The following HERC4 variants were observed in gnomAD, a reference collection of about 807,000 sequenced individuals.
The protein encoded by HERC4 is HECT and RLD domain containing E3 ubiquitin protein ligase 4, also known as probable E3 ubiquitin-protein ligase HERC4.
In HERC4, 28 loss-of-function variants were observed where a neutral mutation model predicts 124.3. That is an observed-to-expected ratio of 0.23 (90% CI 0.17 to 0.31). The LOEUF (loss-of-function observed/expected upper bound fraction) is 0.31, where lower values mean the gene tolerates loss of function less well. HERC4 is among the 10% of genes least tolerant of loss of function. The probability of loss-of-function intolerance (pLI) is 1.00; values close to 1 mark genes in which losing one functional copy is unlikely to be tolerated. For missense variants in HERC4, 713 were observed against 1,229.3 expected, an observed-to-expected ratio of 0.58 and a Z score of 6.28; for synonymous variants, 407 against 421.5, an observed-to-expected ratio of 0.97 and a Z score of 0.42.
At chr10:67,944,482 A>T (rs2033168153) in intron 19 of HERC4, among the ~76,000 whole-genome samples, 1 of 152,222 alleles carries the variant, frequency 6.6e-6, no homozygotes, top group Non-Finnish European at 1.5e-5. Context: ...CCTAAGAAGG[A>T]TGAGTACAAA....
chr10:67,944,176 C>T (rs2033142939), intron 19 of HERC4, among the ~76,000 whole-genome samples: 1 of 152,220 alleles, frequency 6.6e-6, no homozygotes, highest in African/African-American at 2.4e-5. Context: ...CAGGTCTGAC[C>T]CAGTGCAGTC....
chr10:68,054,365 T>C (rs1051344364), intron 3 of HERC4, among the ~76,000 whole-genome samples: 17 of 151,918 alleles, frequency 1.1e-4, no homozygotes, highest in African/African-American at 3.6e-4. Flanking sequence ...TTTTTTTTTT[T>C]TTCAGACCGA....
At chr10:67,924,189 CTGAA>C (rs1342817665) in intron 24 of HERC4, among the ~76,000 whole-genome samples, 4 of 152,180 alleles carry the variant, frequency 2.6e-5, no homozygotes, top group Non-Finnish European at 4.4e-5. Context: ...TGTGACTGTA[CTGAA>C]TGTGTCAACT....
At chr10:67,966,835 A>G in intron 15 of HERC4, 33 bp from the exon 16 acceptor site, 1 of 1,514,716 alleles carries the variant, frequency 6.6e-7, no homozygotes, top group Non-Finnish European at 8.9e-7. Context: ...CATTAAATTT[A>G]ACCAGTACTC....
chr10:67,961,071 G>A (rs1333779128), intron 16 of HERC4: 1 of 232,764 alleles, frequency 4.3e-6, no homozygotes, highest in East Asian at 1.6e-4. Flanking sequence ...CAGAACAGAT[G>A]AAGCAAATAA....
At chr10:68,042,974 C>T (rs1431369536) in intron 4 of HERC4, among the ~76,000 whole-genome samples, 1 of 152,042 alleles carries the variant, frequency 6.6e-6, no homozygotes, top group African/African-American at 2.4e-5. Context: ...AGATGTTGAG[C>T]ACATACAAAA....
rs1478313652 is a variant in HERC4 at position 67,922,790 on chromosome 10, T to C, written c.*141A>G. The C allele has an allele frequency of 1.8e-6, 1 of 570,466 alleles. No homozygotes were observed. Among genetic ancestry groups the C allele is most frequent in the East Asian group, 2.6e-5 (1 of 37,810 alleles). The allele number at this position is 570,466 out of a possible 1,614,324, so 35.3% of individuals were successfully genotyped here. On this transcript the variant is annotated 3_prime_UTR_variant, in exon 25 of 25. Coordinates refer to ENST00000373700, the MANE Select transcript of HERC4 (RefSeq NM_015601.4). ...TCATTTTCCTTTAATATTTTTTGGCTTCCATGAACACTCGTAGATTGAACA... is the reference window on the plus strand; with the variant it reads ...TCATTTTCCTTTAATATTTTTTGGCCTCCATGAACACTCGTAGATTGAACA...
chr10:68,021,159 G>C (rs896003492), intron 8 of HERC4, among the ~76,000 whole-genome samples: 1 of 152,130 alleles, frequency 6.6e-6, no homozygotes, highest in African/African-American at 2.4e-5. Context: ...AATGCTGAAA[G>C]ACAAAGAATC....
At position 67,957,098 on chromosome 10, in the gene HERC4, AC is replaced by A. The variant is rs2034189504; in HGVS notation, c.1927-123del. On this transcript the variant is annotated intron_variant, in intron 16 of 24. Transcript: ENST00000373700. ...TATTCACTCATGTGGTTCTGGAATT[AC>A]AAATAAAACATGCTGCTTACAGAAT... 8.1e-5 allele frequency: 43 copies of A among 532,440 alleles called. 2 individuals carry two copies. In the South Asian group the frequency reaches 1.5e-3, roughly 18 times the overall value. 33.0% of individuals were successfully genotyped at this position (532,440 alleles called of 1,614,324 possible). A position where few individuals can be genotyped will look rare whatever the true frequency, so the allele number is the denominator to read the frequency against.
intron 23 of HERC4, among the ~76,000 whole-genome samples, chr10:67,927,438 T>A (rs2031245665): frequency 1.1e-5 from 1 of 88,754 alleles, no homozygotes; most frequent in African/African-American, 3.8e-5. Context: ...ATATTTTTTT[T>A]TTTTTTTAGA....
At chr10:67,934,809 G>GA in intron 22 of HERC4, among the ~76,000 whole-genome samples, 1 of 151,930 alleles carries the variant, frequency 6.6e-6, no homozygotes, top group East Asian at 1.9e-4. Context: ...CCCTTTGACT[G>GA]AAAATTTTGA....
chr10:67,932,330 C>T lies in HERC4; in HGVS notation c.2838+267G>A, dbSNP rs1405522462. Among the ~76,000 whole-genome samples the T allele has an allele frequency of 4.6e-5, 7 of 152,136 alleles. No individual in the cohort carries two copies. The East Asian group carries it at 1.4e-3, about 29-fold the overall frequency. ...TGAACTCCTGGCCTCAAGTGATCCT[C>T]CCGCCTAAGCACCCCAAAGTGCTGG... On this transcript the variant is annotated intron_variant, in intron 23 of 24. Coordinates refer to ENST00000373700, the MANE Select transcript of HERC4 (RefSeq NM_015601.4).
intron 15 of HERC4, among the ~76,000 whole-genome samples, chr10:67,986,342 C>A (rs1035784800): frequency 1.3e-5 from 2 of 152,104 alleles, no homozygotes; most frequent in East Asian, 3.8e-4. Flanking sequence ...TATATAATAA[C>A]TTACATATAT....
intron 19 of HERC4, among the ~76,000 whole-genome samples, chr10:67,944,557 T>C (rs754181106): frequency 4.6e-5 from 7 of 152,188 alleles, no homozygotes; most frequent in East Asian, 3.9e-4. Flanking sequence ...CCAATGAACA[T>C]CCACAAACAT....
At chr10:67,925,962 GA>G (rs1294989503) in intron 23 of HERC4, among the ~76,000 whole-genome samples, 2 of 152,130 alleles carry the variant, frequency 1.3e-5, no homozygotes, top group Admixed American at 1.3e-4. Flanking sequence ...AGGGAACCCT[GA>G]GCCCAAACTA....
At chr10:67,982,004 T>C (rs2035960673) in intron 15 of HERC4, among the ~76,000 whole-genome samples, 1 of 152,096 alleles carries the variant, frequency 6.6e-6, no homozygotes, top group Admixed American at 6.6e-5. Flanking sequence ...TGGAAGATAT[T>C]CCATGTTCAA....
chr10:67,983,786 C>CAAAAAAAAAA (rs61012367), intron 15 of HERC4, among the ~76,000 whole-genome samples: 2 of 100,136 alleles, frequency 2.0e-5, no homozygotes, highest in Non-Finnish European at 3.8e-5. Flanking sequence ...GACTCTGTCT[C>CAAAAAAAAAA]AAAAAAAAAA....
chr10:67,950,913 A>T (rs558762865), intron 19 of HERC4, among the ~76,000 whole-genome samples: 1 of 152,352 alleles, frequency 6.6e-6, no homozygotes, highest in South Asian at 2.1e-4. Flanking sequence ...CTTAAAGAAG[A>T]CACGGCTCTT....
chr10:68,026,372 A>C (rs1416036788), intron 7 of HERC4, among the ~76,000 whole-genome samples: 2 of 152,124 alleles, frequency 1.3e-5, no homozygotes, highest in East Asian at 1.9e-4. Context: ...CTGGGATTAC[A>C]GGCATGAGCC....
Sources: gnomAD v4.1 joint callset for allele counts (sites outside exome capture counted in the v4.1 genomes callset) on GRCh38, gnomAD v4.1.1 for gene constraint, MANE v1.5 for transcripts, NCBI Gene and HGNC (gene_info 2026-07-23, HGNC 2026-07-21) for gene names.